FAM81A: variants seen among roughly 807,000 people sequenced by gnomAD.
The protein encoded by FAM81A is protein FAM81A.
Under a neutral mutation model 46.7 loss-of-function variants are expected in FAM81A, and 19 were observed. The ratio of observed to expected loss-of-function variants is 0.41; its 90% CI spans 0.28 to 0.60. The LOEUF is 0.60. Ranked by LOEUF, FAM81A falls within the 20% of genes least tolerant of loss-of-function variation. The pLI is 0.34. For synonymous variants in FAM81A, 183 were observed against 152.9 expected (o/e 1.20, Z -1.45); for missense variants, 377 against 453.5 (o/e 0.83, Z 1.53).
chr15:59,436,685 T>C (rs1206796095), upstream of FAM81A, among the ~76,000 whole-genome samples: 2 of 152,182 alleles, frequency 1.3e-5, no homozygotes, highest in African/African-American at 4.8e-5. Flanking sequence ...GTCATCACCA[T>C]GACATAGGAT....
intron 1 of FAM81A, chr15:59,439,100 G>A (rs1278959792): frequency 2.0e-5 from 3 of 147,150 alleles, no homozygotes; most frequent in African/African-American, 8.0e-5. Context: ...AGGTTTATGT[G>A]TGTGTGTGCG....
chr15:59,473,624 C>T (rs1311986513), intron 3 of FAM81A, among the ~76,000 whole-genome samples: 3 of 152,084 alleles, frequency 2.0e-5, no homozygotes, highest in Non-Finnish European at 4.4e-5. Context: ...CCTTTGCTTA[C>T]GGGGGTGGGG....
At chr15:59,486,830 C>T (rs1441283836) in intron 3 of FAM81A, among the ~76,000 whole-genome samples, 1 of 152,040 alleles carries the variant, frequency 6.6e-6, no homozygotes, top group African/African-American at 2.4e-5. Flanking sequence ...CTTTCCCAGA[C>T]AAACAAAAGC....
rs562597229 is a variant in FAM81A at position 59,504,751 on chromosome 15, C to T, written c.414-2462C>T. Among the ~76,000 whole-genome samples the T allele has an allele frequency of 3.9e-5, 6 of 152,236 alleles. No homozygotes were observed. In the South Asian group the frequency reaches 8.3e-4, roughly 21 times the overall value. ...ATTCTTGGATGATAGGTTATTTACC[C>T]TCAATACTTAGAAGATGTTTCTCCA... On this transcript the variant is annotated intron_variant, in intron 4 of 8. Transcript: ENST00000288228.
intron 6 of FAM81A, among the ~76,000 whole-genome samples, chr15:59,512,964 A>G (rs1194727591): frequency 6.6e-6 from 1 of 152,230 alleles, no homozygotes; most frequent in Admixed American, 6.5e-5. Context: ...CCCAGTTAAC[A>G]TTTGAGGGCT....
intron 3 of FAM81A, among the ~76,000 whole-genome samples, chr15:59,489,266 AATAC>A (rs61067164): frequency 0.6 from 85,889 of 143,788 alleles, 25,911 homozygotes; most frequent in East Asian, 0.73. Context: ...CTCCATCTCA[AATAC>A]ATACATACAT....
intron 3 of FAM81A, among the ~76,000 whole-genome samples, chr15:59,476,053 G>A (rs1190005429): frequency 2.0e-5 from 3 of 152,184 alleles, no homozygotes; most frequent in Non-Finnish European, 2.9e-5. Flanking sequence ...TGCCTGAATT[G>A]TAGATGGTCG....
At chr15:59,482,476 C>T (rs968346991) in intron 3 of FAM81A, among the ~76,000 whole-genome samples, 1 of 152,164 alleles carries the variant, frequency 6.6e-6, no homozygotes, top group Admixed American at 6.5e-5. Flanking sequence ...ACCATGTTGG[C>T]CAGGCTGGTC....
intron 1 of FAM81A, among the ~76,000 whole-genome samples, chr15:59,400,950 A>G (rs2081067600): frequency 6.6e-6 from 1 of 152,178 alleles, no homozygotes; most frequent in Non-Finnish European, 1.5e-5. Context: ...TTTCAAATTA[A>G]TTCTGGAAAC....
At chr15:59,494,684 C>T (rs1402745505) in intron 4 of FAM81A, among the ~76,000 whole-genome samples, 1 of 152,020 alleles carries the variant, frequency 6.6e-6, no homozygotes, top group Admixed American at 6.5e-5. Flanking sequence ...GAAATGAATT[C>T]ATGTGAAATA....
chr15:59,446,418 T>A (rs940715993), intron 1 of FAM81A: 2 of 152,216 alleles, frequency 1.3e-5, no homozygotes, highest in Non-Finnish European at 2.9e-5. Context: ...ACAGAGGCCA[T>A]GTGTGTATTG....
At chr15:59,499,527 A>G (rs1002727073) in intron 4 of FAM81A, among the ~76,000 whole-genome samples, 12 of 152,196 alleles carry the variant, frequency 7.9e-5, no homozygotes, top group African/African-American at 2.9e-4. Flanking sequence ...GATTCAAATT[A>G]CTAACTGGGG....
At chr15:59,476,529 A>C (rs905806782) in intron 3 of FAM81A, among the ~76,000 whole-genome samples, 2 of 152,264 alleles carry the variant, frequency 1.3e-5, no homozygotes, top group African/African-American at 4.8e-5. Flanking sequence ...CTGTAATCCC[A>C]TCACTTTGGG....
At position 59,406,194 on chromosome 15, in the gene FAM81A, A is replaced by G. The variant is rs559038952; in HGVS notation, c.-78+3836A>G. 2.7e-4 allele frequency among the ~76,000 whole-genome samples: 41 copies of G among 152,290 alleles called. No homozygotes were observed. The South Asian group carries it at 5.0e-3, about 18-fold the overall frequency. ...AAATTCAGAATGACCTCCCCTCCCC[A>G]AGCCAAGAAAGGATAAACACTGACA... is the stretch of plus-strand genomic sequence containing the variant. On this transcript the variant is annotated intron_variant, in intron 2 of 4. Coordinates refer to the FAM81A transcript ENST00000558348.
chr15:59,498,225 C>G (rs1247076619), intron 4 of FAM81A, among the ~76,000 whole-genome samples: 1 of 152,194 alleles, frequency 6.6e-6, no homozygotes, highest in African/African-American at 2.4e-5. Context: ...TCTTTCAACA[C>G]TATTTTGGAG....
intron 1 of FAM81A, among the ~76,000 whole-genome samples, chr15:59,457,889 T>C (rs2141635209): frequency 6.6e-6 from 1 of 152,334 alleles, no homozygotes; most frequent in South Asian, 2.1e-4. Flanking sequence ...TAAAGTATTT[T>C]AAACATCCTC....
intron 4 of FAM81A, among the ~76,000 whole-genome samples, chr15:59,504,140 A>G (rs1391318397): frequency 6.6e-6 from 1 of 152,124 alleles, no homozygotes; most frequent in Non-Finnish European, 1.5e-5. Flanking sequence ...TATATTTTTT[A>G]TTTCATAGTA....
At chr15:59,475,561 C>G (rs1225875907) in intron 3 of FAM81A, among the ~76,000 whole-genome samples, 1 of 152,160 alleles carries the variant, frequency 6.6e-6, no homozygotes, top group African/African-American at 2.4e-5. Context: ...TTATTCTTGC[C>G]TTAACCAGAC....
chr15:59,413,417 A>AACACACACACACACACAC (rs535000983), intron 2 of FAM81A, among the ~76,000 whole-genome samples: 15 of 134,418 alleles, frequency 1.1e-4, no homozygotes, highest in Admixed American at 8.5e-4. Flanking sequence ...GAGAGCATTA[A>AACACACACACACACACAC]ACACACACAC....
Sources: gnomAD v4.1 joint callset for allele counts (sites outside exome capture counted in the v4.1 genomes callset) on GRCh38, gnomAD v4.1.1 for gene constraint, MANE v1.5 for transcripts, NCBI Gene and HGNC (gene_info 2026-07-23, HGNC 2026-07-21) for gene names.